Variants in RHOJ observed in about 807,000 individuals in gnomAD.
RHOJ encodes rho-related GTP-binding protein RhoJ.
Under a neutral mutation model 23.4 loss-of-function variants are expected in RHOJ, and 11 were observed. That is an observed-to-expected ratio of 0.47 (90% CI 0.30 to 0.78). The LOEUF is 0.78. RHOJ is among the 30% of genes least tolerant of loss of function. RHOJ has a pLI of 0.08. For synonymous variants in RHOJ, 102 were observed against 102.7 expected (o/e 0.99, Z 0.04); for missense variants, 254 against 273.4 (o/e 0.93, Z 0.50).
At chr14:63,246,949 TTTAATTCA>T (rs1894986188) in intron 1 of RHOJ, among the ~76,000 whole-genome samples, 1 of 152,214 alleles carries the variant, frequency 6.6e-6, no homozygotes. Flanking sequence ...GAAATAGGGC[TTTAATTCA>T]TTAATTCATT....
chr14:63,252,972 A>C (rs1434951678), intron 1 of RHOJ, among the ~76,000 whole-genome samples: 1 of 152,140 alleles, frequency 6.6e-6, no homozygotes, highest in African/African-American at 2.4e-5. Context: ...ACAAATTACA[A>C]AATTCTCTGT....
intron 1 of RHOJ, among the ~76,000 whole-genome samples, chr14:63,230,840 G>GTTTTT (rs1566611310): frequency 3.1e-5 from 3 of 96,718 alleles, no homozygotes; most frequent in Admixed American, 8.9e-5. Context: ...AGGGTACAAG[G>GTTTTT]CTTTTTTTTT....
At chr14:63,264,267 A>G (rs1895327431) in intron 1 of RHOJ, among the ~76,000 whole-genome samples, 1 of 151,722 alleles carries the variant, frequency 6.6e-6, no homozygotes, top group Non-Finnish European at 1.5e-5. Flanking sequence ...GAGAACATGC[A>G]GTATTTGGTT....
At chr14:63,237,925 G>A (rs558674706) in intron 1 of RHOJ, among the ~76,000 whole-genome samples, 12 of 152,010 alleles carry the variant, frequency 7.9e-5, no homozygotes, top group Non-Finnish European at 1.5e-4. Flanking sequence ...TTTTCTTGCC[G>A]CTTACGCCTG....
At chr14:63,207,566 T>C (rs1157158282) in intron 1 of RHOJ, among the ~76,000 whole-genome samples, 1 of 152,356 alleles carries the variant, frequency 6.6e-6, no homozygotes, top group East Asian at 1.9e-4. Context: ...GTGCTGAGAC[T>C]TTAGAAGCTA....
intron 1 of RHOJ, among the ~76,000 whole-genome samples, chr14:63,261,963 A>G (rs1895280414): frequency 6.6e-6 from 1 of 152,148 alleles, no homozygotes; most frequent in Non-Finnish European, 1.5e-5. Context: ...GTGGTACTAC[A>G]TACACCACAG....
intron 1 of RHOJ, among the ~76,000 whole-genome samples, chr14:63,207,941 C>T (rs1039896773): frequency 1.3e-5 from 2 of 151,908 alleles, no homozygotes; most frequent in African/African-American, 2.4e-5. Flanking sequence ...TGCATACAGC[C>T]AGGAAAAGGA....
rs573544995 is a variant in RHOJ, at chr14:63,286,609, A to G, written c.498+3393A>G. ...TATTGCAATTTAGTGGCCAACATTT[A>G]ATAGTTTGGAAACACATTTCTAGCC... On this transcript the variant is annotated intron_variant, in intron 4 of 4. Transcript: ENST00000316754. Among the ~76,000 whole-genome samples the G allele has an allele frequency of 1.9e-4, 29 of 152,336 alleles. 1 individual carries two copies. Among genetic ancestry groups the G allele is most frequent in the East Asian group, 1.2e-3 (6 of 5,190 alleles).
chr14:63,248,899 G>C (rs895890770), intron 1 of RHOJ, among the ~76,000 whole-genome samples: 2 of 152,148 alleles, frequency 1.3e-5, no homozygotes, highest in African/African-American at 2.4e-5. Context: ...TGCACTACTA[G>C]TCAGAAAGAG....
At chr14:63,253,172 C>T (rs1333150996) in intron 1 of RHOJ, among the ~76,000 whole-genome samples, 3 of 152,164 alleles carry the variant, frequency 2.0e-5, no homozygotes, top group Non-Finnish European at 4.4e-5. Flanking sequence ...TGTCTGTTAT[C>T]GGTCCTGAGC....
intron 2 of RHOJ, among the ~76,000 whole-genome samples, chr14:63,276,219 G>C (rs1323404190): frequency 6.7e-6 from 1 of 150,280 alleles, no homozygotes; most frequent in Non-Finnish European, 1.5e-5. Flanking sequence ...GTGGGGGGGG[G>C]CGGGGGCTGC....
At chr14:63,256,563 G>T (rs1462252492) in intron 1 of RHOJ, among the ~76,000 whole-genome samples, 1 of 152,172 alleles carries the variant, frequency 6.6e-6, no homozygotes, top group Non-Finnish European at 1.5e-5. Flanking sequence ...AACATCCTTT[G>T]TCTCTTGGCC....
At chr14:63,257,166 A>G (rs1287870522) in intron 1 of RHOJ, among the ~76,000 whole-genome samples, 2 of 141,388 alleles carry the variant, frequency 1.4e-5, no homozygotes, top group Non-Finnish European at 3.0e-5. Flanking sequence ...TAAAACCAGG[A>G]GCTGGAGGTT....
intron 2 of RHOJ, among the ~76,000 whole-genome samples, chr14:63,278,146 T>C (rs1881792904): frequency 6.6e-6 from 1 of 152,170 alleles, no homozygotes; most frequent in African/African-American, 2.4e-5. Context: ...GGGTTTTTTT[T>C]GTTTTGGGTT....
At chr14:63,290,555 T>A (rs1227854431) in intron 4 of RHOJ, among the ~76,000 whole-genome samples, 1 of 152,176 alleles carries the variant, frequency 6.6e-6, no homozygotes, top group Admixed American at 6.5e-5. Flanking sequence ...GTCTCCTAAT[T>A]TTTTAGATCT....
chr14:63,276,376 T>A (rs945987549), intron 2 of RHOJ, among the ~76,000 whole-genome samples: 1 of 152,260 alleles, frequency 6.6e-6, no homozygotes, highest in African/African-American at 2.4e-5. Context: ...TTCAGTCAGA[T>A]AACTATTCTA....
chr14:63,264,469 A>G (rs1264358531), intron 1 of RHOJ, among the ~76,000 whole-genome samples: 2 of 152,248 alleles, frequency 1.3e-5, no homozygotes, highest in East Asian at 3.8e-4. Flanking sequence ...GAATAGTGCT[A>G]CAATGGACAT....
rs544424086 is a variant in RHOJ, at chr14:63,221,890, T to C, written c.178+16843T>C. Among the ~76,000 whole-genome samples, 58 of 152,162 alleles carry C rather than the reference T, an allele frequency of 3.8e-4. 1 individual carries two copies. The highest frequency in any genetic ancestry group is 1.3e-3 in the African/African-American group (54 of 41,526). Reference sequence around the variant, plus strand: ...GCACAACGTGCAGGTTTGTTACATATGTATACATGTGCCATGATGGGGTGC... The same window carrying C: ...GCACAACGTGCAGGTTTGTTACATACGTATACATGTGCCATGATGGGGTGC... On this transcript the variant is annotated intron_variant, in intron 1 of 4. Transcript: ENST00000316754.
chr14:63,232,649 T>A (rs898314021), intron 1 of RHOJ, among the ~76,000 whole-genome samples: 1 of 151,860 alleles, frequency 6.6e-6, no homozygotes, highest in African/African-American at 2.4e-5. Context: ...GCAAGCATAA[T>A]AATTATACCA....
Sources: allele counts gnomAD v4.1 joint callset (sites outside exome capture counted in the v4.1 genomes callset), GRCh38; gene constraint gnomAD v4.1.1; transcripts MANE v1.5; gene names NCBI Gene and HGNC (gene_info 2026-07-23, HGNC 2026-07-21).